Variants in HMCN1 observed in about 807,000 individuals in gnomAD.
HMCN1 encodes the protein hemicentin 1.
HMCN1 carries 321 observed loss-of-function variants against 625.9 expected under a neutral mutation model. The ratio of observed to expected loss-of-function variants is 0.51; its 90% CI spans 0.47 to 0.56. The LOEUF (loss-of-function observed/expected upper bound fraction) is 0.56, where lower values mean the gene tolerates loss of function less well. Ranked by LOEUF, HMCN1 falls within the 20% of genes least tolerant of loss-of-function variation. The pLI is 0.00. For missense variants in HMCN1, 6,588 were observed against 6,887.3 expected, an observed-to-expected ratio of 0.96 and a Z score of 1.54; for synonymous variants, 2,425 against 2,417.6, an observed-to-expected ratio of 1.00 and a Z score of -0.09.
chr1:186,122,898 G>T (rs1043778340), intron 80 of HMCN1, 53 bp from the exon 81 acceptor site: 1 of 1,571,238 alleles, frequency 6.4e-7, no homozygotes, highest in Non-Finnish European at 8.7e-7. Context: ...TGTAATTTGC[G>T]CACTCATGCT....
In HMCN1 at chr1:186,144,570, C is replaced by G. The variant is rs1349909740; in HGVS notation, c.14133C>G (p.Ala4711=). The G allele has an allele frequency of 6.2e-7, 1 of 1,614,090 alleles. No homozygotes were observed. The highest frequency in any genetic ancestry group is 1.7e-5 in the Admixed American group (1 of 60,012). ...GKWATWASWS[A]CSVSCGGGAR... is the part of the protein sequence containing the mutation. ...GGGCGACTTGGGCCAGTTGGAGTGC[C>G]TGTTCTGTGTCATGTGGAGGAGGTG... Residue 4711 remains alanine, a synonymous_variant, in exon 91 of 107, where the codon GCC becomes GCG. Coordinates refer to ENST00000271588, the MANE Select transcript of HMCN1 (RefSeq NM_031935.3).
At position 185,848,295 on chromosome 1, in the gene HMCN1, G is replaced by C. The variant is rs1661960908; in HGVS notation, c.339+2199G>C. On this transcript the variant is annotated intron_variant, in intron 2 of 106. Transcript: ENST00000271588. Reference sequence around the variant, plus strand: ...CCATTTTGCTAAATGCAATGGAAATGCTCCAGTCCTCATCATACTGAATAG... The same window carrying C: ...CCATTTTGCTAAATGCAATGGAAATCCTCCAGTCCTCATCATACTGAATAG... 2.0e-5 allele frequency among the ~76,000 whole-genome samples: 3 copies of C among 152,068 alleles called. No individual in the cohort carries two copies. The East Asian group carries it at 5.8e-4, about 30-fold the overall frequency.
At chr1:185,866,554 A>G (rs969461363) in intron 4 of HMCN1, among the ~76,000 whole-genome samples, 18 of 151,432 alleles carry the variant, frequency 1.2e-4, no homozygotes, top group African/African-American at 2.2e-4. Context: ...ACAGGCGCCC[A>G]CCACCACGCC....
intron 2 of HMCN1, among the ~76,000 whole-genome samples, chr1:185,857,604 A>G (rs745939468): frequency 4.6e-5 from 7 of 152,074 alleles, no homozygotes; most frequent in Non-Finnish European, 8.8e-5. Context: ...GAGATCAAAC[A>G]TAGGGGGAGT....
At chr1:185,804,932 T>A (rs1433478656) in intron 1 of HMCN1, among the ~76,000 whole-genome samples, 1 of 151,970 alleles carries the variant, frequency 6.6e-6, no homozygotes, top group Non-Finnish European at 1.5e-5. Flanking sequence ...GACCTAGTTT[T>A]AAAAAAAACT....
intron 16 of HMCN1, 36 bp downstream of exon 16, chr1:185,978,017 A>T (rs1184020883): frequency 2.1e-6 from 3 of 1,420,996 alleles, no homozygotes; most frequent in Non-Finnish European, 3.0e-6. Context: ...ACGAATATGT[A>T]CTTTTATGTT....
chr1:185,907,211 T>C (rs1666146149), intron 4 of HMCN1, among the ~76,000 whole-genome samples: 1 of 152,004 alleles, frequency 6.6e-6, no homozygotes, highest in Non-Finnish European at 1.5e-5. Context: ...TTATTTCATA[T>C]GTAAAATTCC....
At chr1:185,787,958 T>C (rs1657740238) in intron 1 of HMCN1, among the ~76,000 whole-genome samples, 1 of 152,164 alleles carries the variant, frequency 6.6e-6, no homozygotes, top group Non-Finnish European at 1.5e-5. Flanking sequence ...TGAGTAAATA[T>C]ATACCAAATC....
In HMCN1 at chr1:186,070,658, C is replaced by T. The variant is rs1558194997; in HGVS notation, c.8040C>T (p.Ser2680=). Residue 2680 remains serine, a synonymous_variant, in exon 52 of 107, where the codon TCC becomes TCT. Coordinates refer to ENST00000271588, the MANE Select transcript of HMCN1 (RefSeq NM_031935.3). ...NKGDLWGPGL[S]PKEVKIKVNN... ...GGGACCTTTGGGGGCCAGGTCTTTCCCCTAAAGAAGTGAAGATCAAAGTAA... is the reference window on the plus strand; with the variant it reads ...GGGACCTTTGGGGGCCAGGTCTTTCTCCTAAAGAAGTGAAGATCAAAGTAA... The T allele has an allele frequency of 1.2e-6, 2 of 1,613,446 alleles. No individual in the cohort carries two copies. The highest frequency in any genetic ancestry group is 8.5e-7 in the Non-Finnish European group (1 of 1,179,468).
intron 4 of HMCN1, among the ~76,000 whole-genome samples, chr1:185,893,227 A>C (rs1300378539): frequency 3.9e-5 from 6 of 152,194 alleles, no homozygotes; most frequent in African/African-American, 1.4e-4. Flanking sequence ...CCCTAGTGAG[A>C]TGAACCCGGT....
At position 185,889,411 on chromosome 1, in the gene HMCN1, G is replaced by A. The variant is rs1254639770; in HGVS notation, c.622-19926G>A. Among the ~76,000 whole-genome samples, 919 of 140,064 alleles carry A rather than the reference G, an allele frequency of 6.6e-3. 13 individuals are homozygous for A. The highest frequency in any genetic ancestry group is 0.029 in the African/African-American group (862 of 29,952). The allele number at this position is 140,064 out of a possible 152,430, so 91.9% of individuals were successfully genotyped here. ...CCAGTATTCAAAGGGAATGCTTCCA[G>A]TTTTTGTCCATTCAGTATGATACTG... On this transcript the variant is annotated intron_variant, in intron 4 of 106. Transcript: ENST00000271588.
intron 14 of HMCN1, among the ~76,000 whole-genome samples, chr1:185,966,676 A>C (rs1650427838): frequency 6.6e-6 from 1 of 152,300 alleles, no homozygotes; most frequent in South Asian, 2.1e-4. Context: ...TGCTGTTTGC[A>C]AAATACTTTT....
chr1:185,916,148 A>G (rs1411895789), intron 6 of HMCN1, among the ~76,000 whole-genome samples: 1 of 152,002 alleles, frequency 6.6e-6, no homozygotes, highest in Non-Finnish European at 1.5e-5. Context: ...CAAATGCATA[A>G]TGCCCAACAA....
chr1:186,134,252 T>G (rs1048713627), intron 86 of HMCN1, among the ~76,000 whole-genome samples: 1 of 152,182 alleles, frequency 6.6e-6, no homozygotes, highest in South Asian at 2.1e-4. Flanking sequence ...TTTATTGTAT[T>G]AATTTATAGC....
chr1:185,856,652 A>T (rs1662486303), intron 2 of HMCN1, among the ~76,000 whole-genome samples: 1 of 152,188 alleles, frequency 6.6e-6, no homozygotes, highest in African/African-American at 2.4e-5. Context: ...AAACTCTAGT[A>T]GGTTATACTC....
At chr1:186,018,045 C>T in intron 33 of HMCN1, 138 bp from the exon 34 acceptor site, 1 of 814,746 alleles carries the variant, frequency 1.2e-6, no homozygotes, top group Non-Finnish European at 2.0e-6. Context: ...CTTTTTGCTT[C>T]TCTTTTTCAT....
Position 186,120,036 on chromosome 1 carries a change from T to TACTA in HMCN1, c.12120_12121insACTA (p.Gly4041ThrfsTer43). The TACTA allele has an allele frequency of 1.2e-6, 2 of 1,614,080 alleles. No homozygotes were observed. Among genetic ancestry groups the TACTA allele is most frequent in the Non-Finnish European group, 1.7e-6 (2 of 1,179,972 alleles). On this transcript the variant is annotated frameshift_variant, in exon 80 of 107. Transcript: ENST00000271588. LOFTEE classifies it high-confidence loss of function. ...GCAGAAACCATGCAGTTCTTCCTAGTGGCGGCTTACAGATCTCCAGAGCTG... is the reference window on the plus strand; with the variant it reads ...GCAGAAACCATGCAGTTCTTCCTAGTACTAGGCGGCTTACAGATCTCCAGAGCTG...
chr1:185,901,497 A>G (rs146144918), intron 4 of HMCN1, among the ~76,000 whole-genome samples: 1 of 151,910 alleles, frequency 6.6e-6, no homozygotes, highest in African/African-American at 2.4e-5. Context: ...TATACTTACT[A>G]GAAATCTGTA....
intron 1 of HMCN1, among the ~76,000 whole-genome samples, chr1:185,736,149 AC>A (rs1487607122): frequency 6.6e-6 from 1 of 152,174 alleles, no homozygotes. Flanking sequence ...TAACTATTAA[AC>A]AATGGCACTG....
Sources: allele counts gnomAD v4.1 joint callset (sites outside exome capture counted in the v4.1 genomes callset), GRCh38; gene constraint gnomAD v4.1.1; transcripts MANE v1.5; gene names NCBI Gene and HGNC (gene_info 2026-07-23, HGNC 2026-07-21).